Variants in REG4 observed in about 807,000 individuals in gnomAD.
REG4 encodes regenerating family member 4.
In REG4, 16 loss-of-function variants were observed where a neutral mutation model predicts 22.3. The observed-to-expected ratio is 0.72, with a 90% CI of 0.49 to 1.09. REG4 has a LOEUF of 1.09. Ranked by LOEUF, REG4 falls within the 50% of genes least tolerant of loss-of-function variation. The probability of loss-of-function intolerance (pLI) is 0.00; values close to 1 mark genes in which losing one functional copy is unlikely to be tolerated. For synonymous variants in REG4, 71 were observed against 69.2 expected, an observed-to-expected ratio of 1.03 and a Z score of -0.13; for missense variants, 214 against 193.9, an observed-to-expected ratio of 1.10 and a Z score of -0.61.
chr1:119,804,709 T>G (rs1654237792), intron 2 of REG4, among the ~76,000 whole-genome samples: 2 of 152,238 alleles, frequency 1.3e-5, no homozygotes, highest in Admixed American at 1.3e-4. Flanking sequence ...AATAAGGTGC[T>G]TGACTTTCTA....
Position 119,794,562 on chromosome 1 carries a change from A to G in REG4, c.*56T>C. On this transcript the variant is annotated 3_prime_UTR_variant, in exon 6 of 6. Transcript: ENST00000256585. ...AATAATGAGCAGATTTAGCCAGGCTAGCAGAAAGGAAGAGGACGGGGCTGT... is the reference window on the plus strand; with the variant it reads ...AATAATGAGCAGATTTAGCCAGGCTGGCAGAAAGGAAGAGGACGGGGCTGT... 1 of 1,471,782 alleles carries G rather than the reference A, an allele frequency of 6.8e-7. No individual in the cohort carries two copies. Among genetic ancestry groups the G allele is most frequent in the Non-Finnish European group, 9.5e-7 (1 of 1,050,294 alleles). The allele number at this position is 1,471,782 out of a possible 1,614,324, so 91.2% of individuals were successfully genotyped here.
At chr1:119,806,623 T>C (rs774126572) in intron 2 of REG4, among the ~76,000 whole-genome samples, 1 of 152,196 alleles carries the variant, frequency 6.6e-6, no homozygotes, top group Non-Finnish European at 1.5e-5. Context: ...GCGAGTAACC[T>C]GCTGAGGTTA....
intron 3 of REG4, chr1:119,801,185 A>T (rs189947139): frequency 2.6e-5 from 4 of 152,352 alleles, no homozygotes; most frequent in African/African-American, 9.6e-5. Flanking sequence ...GTGTATGTAT[A>T]TAAACTTTAT....
At chr1:119,795,493 G>C (rs369273235) in intron 5 of REG4, among the ~76,000 whole-genome samples, 1 of 152,260 alleles carries the variant, frequency 6.6e-6, no homozygotes, top group African/African-American at 2.4e-5. Flanking sequence ...AAGGACTGAA[G>C]TATTTTTGAG....
chr1:119,798,412 C>T, intron 5 of REG4, 85 bp downstream of exon 5: 1 of 1,020,282 alleles, frequency 9.8e-7, no homozygotes, highest in East Asian at 2.4e-5. Flanking sequence ...GGGCAGTGGT[C>T]CCCTGTGCCT....
At position 119,794,586 on chromosome 1, in the gene REG4, G is replaced by A. The variant is rs778204412; in HGVS notation, c.*32C>T. 6.3e-7 allele frequency: 1 copy of A among 1,586,002 alleles called. No homozygotes were observed. Among genetic ancestry groups the A allele is most frequent in the Non-Finnish European group, 8.7e-7 (1 of 1,154,240 alleles). ...TAGCAGAAAGGAAGAGGACGGGGCT[G>A]TGCAGGAGTTAGCAGAATCTTGATT... On this transcript the variant is annotated 3_prime_UTR_variant, in exon 6 of 6. Transcript: ENST00000256585.
chr1:119,808,934 A>G, intron 1 of REG4, 71 bp from the exon 2 acceptor site: 1 of 535,460 alleles, frequency 1.9e-6, no homozygotes, highest in African/African-American at 2.0e-5. Flanking sequence ...GAGGAAAATA[A>G]TACAATATTT....
In REG4 at chr1:119,798,541, G is replaced by T; in HGVS notation, c.365C>A (p.Ser122Tyr). The change falls in exon 5 of 6, where the codon TCC becomes TAC. Residue 122 changes from serine to tyrosine, a missense_variant. Coordinates refer to ENST00000256585, the MANE Select transcript of REG4 (RefSeq NM_032044.4). ...MYLYRSWSGKSMGGNKHCAEM... is the reference protein window; with the variant it reads ...MYLYRSWSGKYMGGNKHCAEM... ...AGCACAGTGCTTGTTCCCACCCATGGACTTGCCAGACCAGGATCTGTACAG... is the reference window on the plus strand; with the variant it reads ...AGCACAGTGCTTGTTCCCACCCATGTACTTGCCAGACCAGGATCTGTACAG... 6.2e-7 allele frequency: 1 copy of T among 1,614,158 alleles called. No homozygotes were observed. The highest frequency in any genetic ancestry group is 2.2e-5 in the East Asian group (1 of 44,888).
At chr1:119,800,288 T>C (rs1172012583) in intron 3 of REG4, among the ~76,000 whole-genome samples, 1 of 152,224 alleles carries the variant, frequency 6.6e-6, no homozygotes, top group Non-Finnish European at 1.5e-5. Context: ...AAATGTGCCA[T>C]TATTTTGTGT....
intron 2 of REG4, among the ~76,000 whole-genome samples, chr1:119,807,978 C>G (rs587628024): frequency 5.9e-4 from 90 of 152,316 alleles, no homozygotes; most frequent in Admixed American, 1.3e-3. Flanking sequence ...CAACACCCAG[C>G]AAAGCCACAT....
intron 1 of REG4, among the ~76,000 whole-genome samples, chr1:119,810,015 CT>C (rs1654449992): frequency 1.3e-5 from 2 of 151,724 alleles, no homozygotes; most frequent in Admixed American, 1.3e-4. Context: ...TTTGTGAGAT[CT>C]TTTTTGTATG....
chr1:119,808,696 T>C lies in REG4; in HGVS notation c.67+7A>G. On this transcript the variant is annotated splice_region_variant and intron_variant, in intron 2 of 5. Coordinates refer to ENST00000256585, the MANE Select transcript of REG4 (RefSeq NM_032044.4). ...GGCTCAGTTCCAGCTACGTGATGGA[T>C]ACTCACCACCCAGGACTCCTGTTTT... The C allele has an allele frequency of 6.2e-7, 1 of 1,610,196 alleles. No individual in the cohort carries two copies. The highest frequency in any genetic ancestry group is 8.5e-7 in the Non-Finnish European group (1 of 1,176,552).
chr1:119,802,045 TC>T (rs34747216), intron 3 of REG4: 27,431 of 152,218 alleles, frequency 0.18, 2,580 homozygotes, highest in African/African-American at 0.23. Flanking sequence ...CCAGACATCT[TC>T]CTCTTTGTTC....
At chr1:119,804,150 A>G (rs1280314307) in intron 2 of REG4, among the ~76,000 whole-genome samples, 5 of 152,164 alleles carry the variant, frequency 3.3e-5, no homozygotes, top group Non-Finnish European at 7.4e-5. Flanking sequence ...CTACCTTCTG[A>G]CACCATGGTG....
In REG4 at chr1:119,794,094, C is replaced by T. The variant is rs749760402; in HGVS notation, c.*524G>A. On this transcript the variant is annotated 3_prime_UTR_variant, in exon 6 of 6. Transcript: ENST00000256585. ...CTGGAACACAGCAACCTCTTATGTA[C>T]ACAATGGTTTATTAAAGGAATGTAT... 1.9e-6 allele frequency: 1 copy of T among 533,092 alleles called. No homozygotes were observed. Among genetic ancestry groups the T allele is most frequent in the South Asian group, 1.4e-5 (1 of 71,542 alleles). The allele number at this position is 533,092 out of a possible 1,614,324, so 33.0% of individuals were successfully genotyped here.
At chr1:119,811,051 A>T (rs964678748) in intron 1 of REG4, among the ~76,000 whole-genome samples, 4 of 152,086 alleles carry the variant, frequency 2.6e-5, no homozygotes, top group African/African-American at 9.7e-5. Context: ...AAGACTCCAT[A>T]AAAAAACAAA....
chr1:119,798,560 T>G lies in REG4; in HGVS notation c.346A>C (p.Arg116=). 3.1e-6 allele frequency: 5 copies of G among 1,614,218 alleles called. No homozygotes were observed. Among genetic ancestry groups the G allele is most frequent in the Non-Finnish European group, 4.2e-6 (5 of 1,180,022 alleles). ...QWIDGAMYLY[R]SWSGKSMGGN... is the part of the protein sequence containing the mutation. ...CCCATGGACTTGCCAGACCAGGATC[T>G]GTACAGATACATGGCCCCATCAATC... is the stretch of plus-strand genomic sequence containing the variant. Residue 116 remains arginine, a synonymous_variant, in exon 5 of 6, where the codon AGA becomes CGA. Coordinates refer to ENST00000256585, the MANE Select transcript of REG4 (RefSeq NM_032044.4).
At chr1:119,808,996 A>G in intron 1 of REG4, 133 bp from the exon 2 acceptor site, 1 of 475,586 alleles carries the variant, frequency 2.1e-6, no homozygotes. Flanking sequence ...TTAGATGTAC[A>G]GGTTAGAAAA....
At chr1:119,795,142 T>A (rs1653898660) in intron 5 of REG4, among the ~76,000 whole-genome samples, 1 of 152,138 alleles carries the variant, frequency 6.6e-6, no homozygotes, top group Non-Finnish European at 1.5e-5. Context: ...TATATATACA[T>A]CCAACTACTT....
Sources: gnomAD v4.1 joint callset for allele counts (sites outside exome capture counted in the v4.1 genomes callset) on GRCh38, gnomAD v4.1.1 for gene constraint, MANE v1.5 for transcripts, NCBI Gene and HGNC (gene_info 2026-07-23, HGNC 2026-07-21) for gene names.